Variants in SLC10A7 observed in about 807,000 individuals in gnomAD.
The protein encoded by SLC10A7 is solute carrier family 10 member 7, also known as sodium/bile acid cotransporter 7.
Under a neutral mutation model 43.2 loss-of-function variants are expected in SLC10A7, and 29 were observed. The ratio of observed to expected loss-of-function variants is 0.67; its 90% CI spans 0.50 to 0.92. The LOEUF is 0.92. Among genes scored for constraint, SLC10A7 ranks in the 40% least tolerant of loss-of-function variants. SLC10A7 has a pLI of 0.00. For missense variants in SLC10A7, 295 were observed against 403.2 expected (o/e 0.73, Z 2.30); for synonymous variants, 152 against 144.8 (o/e 1.05, Z -0.35).
intron 4 of SLC10A7, among the ~76,000 whole-genome samples, chr4:146,475,937 C>T (rs182078852): frequency 6.6e-6 from 1 of 152,274 alleles, no homozygotes; most frequent in East Asian, 1.9e-4. Context: ...CCTCAACACC[C>T]ATGCAAGTAC....
intron 5 of SLC10A7, among the ~76,000 whole-genome samples, chr4:146,371,119 C>T (rs1450887006): frequency 6.6e-6 from 1 of 152,184 alleles, no homozygotes; most frequent in African/African-American, 2.4e-5. Flanking sequence ...ATTCACAACT[C>T]ATTATCTTAC....
chr4:146,490,994 T>C (rs1735343059), intron 4 of SLC10A7, among the ~76,000 whole-genome samples: 1 of 152,058 alleles, frequency 6.6e-6, no homozygotes, highest in Non-Finnish European at 1.5e-5. Flanking sequence ...CAAAGATTGG[T>C]TGGGGAGCCA....
In SLC10A7 at chr4:146,428,180, A is replaced by AAAAC. The variant is rs554387449; in HGVS notation, c.435+14599_435+14602dup. Among the ~76,000 whole-genome samples, 190 of 152,210 alleles carry AAAAC rather than the reference A, an allele frequency of 1.2e-3. 2 individuals are homozygous for AAAAC. In the East Asian group the frequency reaches 0.018, roughly 14 times the overall value. On this transcript the variant is annotated intron_variant, in intron 5 of 11. Coordinates refer to ENST00000335472, the MANE Select transcript of SLC10A7 (RefSeq NM_001029998.6). ...GGCAATGAAACAAGACCCTAACTCA[A>AAAAC]AAACAAACAAACAAACAAACAAAAA... is the stretch of plus-strand genomic sequence containing the variant.
Position 146,305,831 on chromosome 4 carries a change from C to T in SLC10A7, c.555+95G>A, listed in dbSNP as rs1578840504. 4.9e-6 allele frequency: 5 copies of T among 1,029,292 alleles called. No individual in the cohort carries two copies. In the East Asian group the frequency reaches 8.1e-5, roughly 17 times the overall value. 63.8% of individuals were successfully genotyped at this position (1,029,292 alleles called of 1,614,324 possible). On this transcript the variant is annotated intron_variant, in intron 7 of 11. Coordinates refer to ENST00000335472, the MANE Select transcript of SLC10A7 (RefSeq NM_001029998.6). The stretch of plus-strand genomic sequence containing the variant: ...GTCTCATATTTTCATTTATCTCCTC[C>T]CTCTGAATATCCTTTCTCTCAACTG...
intron 9 of SLC10A7, among the ~76,000 whole-genome samples, chr4:146,285,202 T>A (rs540101094): frequency 6.6e-6 from 1 of 151,710 alleles, no homozygotes; most frequent in African/African-American, 2.4e-5. Flanking sequence ...GCTGAAGGAG[T>A]TGGGACAGTA....
chr4:146,376,701 A>ATTTAAT (rs1223979048), intron 5 of SLC10A7, among the ~76,000 whole-genome samples: 1 of 151,880 alleles, frequency 6.6e-6, no homozygotes, highest in African/African-American at 2.4e-5. Context: ...TTGAACATAA[A>ATTTAAT]TTCAATTTCT....
intron 9 of SLC10A7, among the ~76,000 whole-genome samples, chr4:146,283,491 A>C (rs752287375): frequency 6.6e-6 from 1 of 152,116 alleles, no homozygotes; most frequent in Non-Finnish European, 1.5e-5. Flanking sequence ...TGTGTGGTGG[A>C]GGTCGCCTAA....
chr4:146,339,234 G>A (rs746586282), intron 5 of SLC10A7, among the ~76,000 whole-genome samples: 12 of 151,902 alleles, frequency 7.9e-5, no homozygotes, highest in Non-Finnish European at 1.6e-4. Flanking sequence ...CCCAGACCAT[G>A]TCTACACATG....
At chr4:146,258,163 G>A (rs953732368) in intron 11 of SLC10A7, among the ~76,000 whole-genome samples, 2 of 152,234 alleles carry the variant, frequency 1.3e-5, no homozygotes, top group African/African-American at 4.8e-5. Context: ...TAAGTGTGGT[G>A]AAATTAACAT....
chr4:146,377,060 C>T (rs1226235367), intron 5 of SLC10A7, among the ~76,000 whole-genome samples: 1 of 150,006 alleles, frequency 6.7e-6, no homozygotes. Flanking sequence ...AATATTTAGG[C>T]TAAATTGTGG....
intron 4 of SLC10A7, among the ~76,000 whole-genome samples, chr4:146,455,021 C>A (rs1324969981): frequency 6.6e-6 from 1 of 151,708 alleles, no homozygotes; most frequent in Non-Finnish European, 1.5e-5. Context: ...AAATCAATTT[C>A]TCAGTATTCC....
intron 5 of SLC10A7, among the ~76,000 whole-genome samples, chr4:146,358,503 T>C (rs1735818764): frequency 6.6e-6 from 1 of 152,172 alleles, no homozygotes; most frequent in Non-Finnish European, 1.5e-5. Flanking sequence ...TTCTAGTACT[T>C]CAGGAAAATC....
At chr4:146,264,869 G>C (rs1034713494) in intron 10 of SLC10A7, among the ~76,000 whole-genome samples, 2 of 151,916 alleles carry the variant, frequency 1.3e-5, no homozygotes, top group African/African-American at 2.4e-5. Flanking sequence ...TCCTAATTCA[G>C]CTCCTCATAA....
At chr4:146,367,725 T>C (rs1204826296) in intron 5 of SLC10A7, among the ~76,000 whole-genome samples, 1 of 152,202 alleles carries the variant, frequency 6.6e-6, no homozygotes, top group Admixed American at 6.5e-5. Context: ...ACTTAAGAAC[T>C]CATTGCTTTA....
intron 4 of SLC10A7, among the ~76,000 whole-genome samples, chr4:146,480,533 G>A (rs1337339053): frequency 6.6e-6 from 1 of 152,120 alleles, no homozygotes; most frequent in Non-Finnish European, 1.5e-5. Flanking sequence ...CATGAGCCAA[G>A]AATGCTCCTC....
chr4:146,315,034 T>C (rs1397636359), intron 6 of SLC10A7, among the ~76,000 whole-genome samples: 1 of 152,134 alleles, frequency 6.6e-6, no homozygotes, highest in African/African-American at 2.4e-5. Flanking sequence ...GGTAGCTTCC[T>C]TTCATTCCTC....
At chr4:146,498,616 A>AAAAT (rs138885713) in intron 4 of SLC10A7, among the ~76,000 whole-genome samples, 19 of 152,332 alleles carry the variant, frequency 1.2e-4, no homozygotes, top group African/African-American at 3.6e-4. Flanking sequence ...TATTTAAATA[A>AAAAT]AAATAGCTTA....
intron 4 of SLC10A7, among the ~76,000 whole-genome samples, chr4:146,445,382 AG>A (rs931163466): frequency 1.6e-4 from 24 of 152,300 alleles, no homozygotes; most frequent in African/African-American, 4.8e-4. Context: ...ACGCGCACAA[AG>A]GAACACTGGA....
chr4:146,496,764 T>A (rs114516858), intron 4 of SLC10A7, among the ~76,000 whole-genome samples: 18 of 152,334 alleles, frequency 1.2e-4, no homozygotes, highest in Non-Finnish European at 2.5e-4. Context: ...CACCAAAAAC[T>A]TCGGGTAAAT....
Sources: gnomAD v4.1 joint callset for allele counts (sites outside exome capture counted in the v4.1 genomes callset) on GRCh38, gnomAD v4.1.1 for gene constraint, MANE v1.5 for transcripts, NCBI Gene and HGNC (gene_info 2026-07-23, HGNC 2026-07-21) for gene names.